OR9Q1: variants seen among roughly 807,000 people sequenced by gnomAD.
The protein encoded by OR9Q1 is olfactory receptor 9Q1.
For missense variants in OR9Q1, 374 were observed against 378.8 expected (o/e 0.99, Z 0.11); for synonymous variants, 153 against 148.6 (o/e 1.03, Z -0.22).
At chr11:58,109,527 C>T in intron 2 of OR9Q1, 1 of 458,862 alleles carries the variant, frequency 2.2e-6, no homozygotes, top group South Asian at 1.5e-5. Context: ...TTAGAATGAT[C>T]ATCCCCCCAT....
At chr11:58,053,954 A>T (rs1170315269) in intron 1 of OR9Q1, among the ~76,000 whole-genome samples, 1 of 152,070 alleles carries the variant, frequency 6.6e-6, no homozygotes, top group Admixed American at 6.6e-5. Flanking sequence ...TTGAAATTTG[A>T]TAAGAAAGCA....
chr11:58,078,498 T>A (rs913349428), intron 2 of OR9Q1: 1 of 152,178 alleles, frequency 6.6e-6, no homozygotes, highest in Non-Finnish European at 1.5e-5. Context: ...TTTCTCAAAA[T>A]AATGGCCAGG....
chr11:58,078,723 G>A (rs989548721), intron 2 of OR9Q1: 4 of 152,180 alleles, frequency 2.6e-5, no homozygotes, highest in Admixed American at 1.3e-4. Context: ...ATATCTCAAC[G>A]AGAAAGTAAA....
At chr11:58,083,138 C>T (rs188526106) in intron 2 of OR9Q1, among the ~76,000 whole-genome samples, 20 of 152,116 alleles carry the variant, frequency 1.3e-4, no homozygotes, top group East Asian at 9.7e-4. Flanking sequence ...AGAGTTTTTA[C>T]GGAGTTAAGT....
chr11:58,155,221 T>C (rs1048081151), intron 2 of OR9Q1, among the ~76,000 whole-genome samples: 6 of 152,104 alleles, frequency 3.9e-5, no homozygotes, highest in Non-Finnish European at 5.9e-5. Flanking sequence ...GACCTTTCTC[T>C]TTTCCCTTAA....
chr11:58,095,943 G>T (rs909063985), intron 2 of OR9Q1, among the ~76,000 whole-genome samples: 13 of 152,148 alleles, frequency 8.5e-5, no homozygotes, highest in Non-Finnish European at 1.8e-4. Context: ...CTAGGTCTCA[G>T]TGTGGTAGAA....
At chr11:58,042,885 G>C (rs913035454) in intron 1 of OR9Q1, among the ~76,000 whole-genome samples, 5 of 152,062 alleles carry the variant, frequency 3.3e-5, no homozygotes, top group Non-Finnish European at 7.4e-5. Flanking sequence ...TGGATTCCTA[G>C]GTATTTTATT....
chr11:58,092,682 T>C (rs1431350907), intron 2 of OR9Q1, among the ~76,000 whole-genome samples: 4 of 152,218 alleles, frequency 2.6e-5, no homozygotes, highest in African/African-American at 9.6e-5. Flanking sequence ...GGGATAAATT[T>C]TGATGCTTTC....
At chr11:58,040,937 T>G (rs749795904) in intron 1 of OR9Q1, 1 of 152,178 alleles carries the variant, frequency 6.6e-6, no homozygotes, top group Non-Finnish European at 1.5e-5. Flanking sequence ...GTCTTTGCTG[T>G]GGGCATGCAT....
chr11:58,175,476 C>T (rs1377667770), intron 2 of OR9Q1, among the ~76,000 whole-genome samples: 1 of 152,148 alleles, frequency 6.6e-6, no homozygotes, highest in Admixed American at 6.5e-5. Context: ...TGTAAGTAAT[C>T]TTGCCCTAGT....
intron 1 of OR9Q1, chr11:58,031,436 T>C: frequency 6.2e-7 from 1 of 1,614,226 alleles, no homozygotes; most frequent in Non-Finnish European, 8.5e-7. Flanking sequence ...CACACCCATC[T>C]TGCCAATCTA....
intron 1 of OR9Q1, chr11:58,044,548 T>G (rs1202848428): frequency 6.6e-6 from 1 of 152,236 alleles, no homozygotes; most frequent in Non-Finnish European, 1.5e-5. Flanking sequence ...CCTCATCGTT[T>G]TCACTTACTA....
intron 2 of OR9Q1, among the ~76,000 whole-genome samples, chr11:58,132,010 T>C (rs1236613382): frequency 6.6e-6 from 1 of 152,190 alleles, no homozygotes; most frequent in Non-Finnish European, 1.5e-5. Flanking sequence ...ACCAACCGAA[T>C]GCTAGGTCCA....
chr11:58,059,687 CAAAAAAAAAAAAAAAA>C (rs58893511), intron 2 of OR9Q1, among the ~76,000 whole-genome samples: 5 of 40,186 alleles, frequency 1.2e-4, no homozygotes, highest in Admixed American at 5.6e-4. Flanking sequence ...GGCTCTGTCT[CAAAAAAAAAAAAAAAA>C]AAAAAAAAAA....
At chr11:58,066,079 T>C (rs1440941549) in intron 2 of OR9Q1, among the ~76,000 whole-genome samples, 1 of 152,030 alleles carries the variant, frequency 6.6e-6, no homozygotes, top group Non-Finnish European at 1.5e-5. Flanking sequence ...CCTACAGTGA[T>C]TGGGAAGGTG....
chr11:58,081,556 C>G (rs898916719), intron 2 of OR9Q1, among the ~76,000 whole-genome samples: 1 of 152,172 alleles, frequency 6.6e-6, no homozygotes, highest in Admixed American at 6.5e-5. Context: ...ATTTGCATTT[C>G]TCTAATGACC....
intron 1 of OR9Q1, chr11:58,031,070 AC>A: frequency 6.2e-7 from 1 of 1,613,950 alleles, no homozygotes; most frequent in Non-Finnish European, 8.5e-7. Context: ...GTACCTGTTC[AC>A]CTTGGTGGAG....
At chr11:58,164,051 T>C (rs1205188840) in intron 2 of OR9Q1, among the ~76,000 whole-genome samples, 2 of 152,154 alleles carry the variant, frequency 1.3e-5, no homozygotes, top group African/African-American at 4.8e-5. Flanking sequence ...GGCCACGGAT[T>C]GGCTATGACA....
At chr11:58,067,860 G>A (rs1448130652) in intron 2 of OR9Q1, among the ~76,000 whole-genome samples, 1 of 152,188 alleles carries the variant, frequency 6.6e-6, no homozygotes, top group Non-Finnish European at 1.5e-5. Context: ...TGCAGAAACG[G>A]GGAAGGGCAT....
Sources: gnomAD v4.1 joint callset for allele counts (sites outside exome capture counted in the v4.1 genomes callset) on GRCh38, gnomAD v4.1.1 for gene constraint, MANE v1.5 for transcripts, NCBI Gene and HGNC (gene_info 2026-07-23, HGNC 2026-07-21) for gene names.